Variants in MTUS2 observed in about 807,000 individuals in gnomAD.
MTUS2 encodes the protein microtubule-associated tumor suppressor candidate 2.
In MTUS2, 40 loss-of-function variants were observed where a neutral mutation model predicts 114.1. That is an observed-to-expected ratio of 0.35 (90% CI 0.27 to 0.46). MTUS2 has a LOEUF of 0.46. Among genes scored for constraint, MTUS2 ranks in the 20% least tolerant of loss-of-function variants. The pLI is 1.00. For missense variants in MTUS2, 1,679 were observed against 1,705.4 expected, an observed-to-expected ratio of 0.98 and a Z score of 0.27; for synonymous variants, 688 against 672.0, an observed-to-expected ratio of 1.02 and a Z score of -0.37.
At chr13:29,120,841 C>T (rs372282228) in intron 5 of MTUS2, among the ~76,000 whole-genome samples, 2 of 151,958 alleles carry the variant, frequency 1.3e-5, no homozygotes, top group South Asian at 2.1e-4. Context: ...AACATTCTGA[C>T]AAAAATTAAA....
At chr13:29,128,641 A>G (rs1311587230) in intron 5 of MTUS2, among the ~76,000 whole-genome samples, 2 of 152,210 alleles carry the variant, frequency 1.3e-5, no homozygotes, top group East Asian at 1.9e-4. Context: ...AACAGTGAAT[A>G]TTTATGAATG....
chr13:29,248,837 A>G (rs762437719), intron 5 of MTUS2, among the ~76,000 whole-genome samples: 1 of 152,128 alleles, frequency 6.6e-6, no homozygotes, highest in Non-Finnish European at 1.5e-5. Flanking sequence ...ATAGTATTCC[A>G]TGGTTTATAT....
At chr13:29,185,127 G>C (rs900130457) in intron 5 of MTUS2, among the ~76,000 whole-genome samples, 1 of 152,022 alleles carries the variant, frequency 6.6e-6, no homozygotes, top group Non-Finnish European at 1.5e-5. Flanking sequence ...GAGTTGAAAA[G>C]TACAATGACT....
chr13:29,149,570 C>A (rs1892583919), intron 5 of MTUS2, among the ~76,000 whole-genome samples: 1 of 152,104 alleles, frequency 6.6e-6, no homozygotes, highest in African/African-American at 2.4e-5. Flanking sequence ...TTGCTTTTGG[C>A]ATCTTTGTCA....
At chr13:29,323,020 G>C (rs1365954085) in intron 6 of MTUS2, among the ~76,000 whole-genome samples, 2 of 152,208 alleles carry the variant, frequency 1.3e-5, no homozygotes, top group African/African-American at 4.8e-5. Context: ...TTGGGAATAT[G>C]AATTAGTGGA....
At chr13:29,299,865 GA>G (rs145782693) in intron 6 of MTUS2, among the ~76,000 whole-genome samples, 14,566 of 149,584 alleles carry the variant, frequency 0.097, 882 homozygotes, top group Admixed American at 0.19. Context: ...AAGACAGCAT[GA>G]AAAAAAAAAT....
intron 9 of MTUS2, among the ~76,000 whole-genome samples, chr13:29,454,959 T>A (rs61391059): frequency 1.3e-5 from 2 of 152,088 alleles, no homozygotes; most frequent in Non-Finnish European, 2.9e-5. Flanking sequence ...AGACCAAACA[T>A]GAGGCAACTG....
At chr13:28,912,723 C>G (rs768576443) in intron 2 of MTUS2, among the ~76,000 whole-genome samples, 3 of 151,896 alleles carry the variant, frequency 2.0e-5, no homozygotes, top group Non-Finnish European at 4.4e-5. Context: ...TAAAGAGGTC[C>G]TTTACTTCCC....
chr13:29,388,315 T>A (rs181402966), intron 8 of MTUS2, among the ~76,000 whole-genome samples: 157 of 152,122 alleles, frequency 1.0e-3, no homozygotes, highest in Non-Finnish European at 1.7e-3. Flanking sequence ...GTCTTCGTAC[T>A]TTTTTGTCGT....
chr13:29,048,573 A>G lies in MTUS2; in HGVS notation c.2446+14448A>G, dbSNP rs756237008. 2.7e-4 allele frequency among the ~76,000 whole-genome samples: 41 copies of G among 152,302 alleles called. No individual in the cohort carries two copies. The Middle Eastern group carries it at 0.017, about 63-fold the overall frequency. ...AGCCTCAACTTCCCTGGCTCAAACG[A>G]TCCTCCCACATCAGTCTCCCAAGTA... is the stretch of plus-strand genomic sequence containing the variant. On this transcript the variant is annotated intron_variant, in intron 4 of 15. Coordinates refer to ENST00000612955, the MANE Select transcript of MTUS2 (RefSeq NM_001033602.4).
In MTUS2 at chr13:29,350,960, C is replaced by CATATATATATATATAT. The variant is rs56192034; in HGVS notation, c.2906-8293_2906-8278dup. The stretch of plus-strand genomic sequence containing the variant: ...TAGGAATTAGGGCATATATATATTT[C>CATATATATATATATAT]ATATATATATATATATATATATATC... On this transcript the variant is annotated intron_variant, in intron 7 of 15. Transcript: ENST00000612955. Among the ~76,000 whole-genome samples the CATATATATATATATAT allele has an allele frequency of 1.3e-3, 170 of 128,636 alleles. 8 individuals carry two copies. Among genetic ancestry groups the CATATATATATATATAT allele is most frequent in the Non-Finnish European group, 1.9e-3 (113 of 58,618 alleles). The allele number at this position is 128,636 out of a possible 152,430, so 84.4% of individuals were successfully genotyped here. A position where few individuals can be genotyped will look rare whatever the true frequency, so the allele number is the denominator to read the frequency against.
At chr13:29,212,349 A>T (rs9550450) in intron 5 of MTUS2, among the ~76,000 whole-genome samples, 2 of 150,298 alleles carry the variant, frequency 1.3e-5, no homozygotes, top group Non-Finnish European at 3.0e-5. Context: ...TCTCCTCACA[A>T]CACCTCTGAC....
At chr13:28,909,840 A>G (rs1004514980) in intron 2 of MTUS2, among the ~76,000 whole-genome samples, 8 of 152,238 alleles carry the variant, frequency 5.3e-5, no homozygotes, top group Non-Finnish European at 1.0e-4. Flanking sequence ...GTCTCACGAT[A>G]CAAAATCAGT....
intron 8 of MTUS2, among the ~76,000 whole-genome samples, chr13:29,379,363 C>T (rs1872019937): frequency 6.6e-6 from 1 of 152,136 alleles, no homozygotes. Flanking sequence ...CATCCTCATG[C>T]CTGGAGAAGG....
At chr13:29,367,630 A>C (rs539765036) in intron 8 of MTUS2, among the ~76,000 whole-genome samples, 27 of 152,158 alleles carry the variant, frequency 1.8e-4, no homozygotes, top group Non-Finnish European at 2.6e-4. Context: ...CCCGATGGAA[A>C]GGAGAGGGCA....
intron 5 of MTUS2, among the ~76,000 whole-genome samples, chr13:29,247,334 C>G (rs1380087861): frequency 6.6e-6 from 1 of 152,144 alleles, no homozygotes; most frequent in African/African-American, 2.4e-5. Flanking sequence ...AAAAACCCTT[C>G]TAGAAATTGG....
chr13:29,327,729 C>G (rs1204201679), intron 7 of MTUS2, among the ~76,000 whole-genome samples: 1 of 152,132 alleles, frequency 6.6e-6, no homozygotes, highest in Non-Finnish European at 1.5e-5. Context: ...ACATCTGCTT[C>G]CATTTCTCTT....
intron 6 of MTUS2, among the ~76,000 whole-genome samples, chr13:29,315,987 C>A (rs1428235949): frequency 6.6e-6 from 1 of 152,104 alleles, no homozygotes; most frequent in Admixed American, 6.5e-5. Context: ...TCTTGGGTTG[C>A]AGGTGTCAAA....
chr13:29,370,547 T>G (rs1299113818), intron 8 of MTUS2, among the ~76,000 whole-genome samples: 1 of 152,180 alleles, frequency 6.6e-6, no homozygotes, highest in African/African-American at 2.4e-5. Flanking sequence ...AGTGGACTCT[T>G]GATATATTTG....
Sources: gnomAD v4.1 joint callset for allele counts (sites outside exome capture counted in the v4.1 genomes callset) on GRCh38, gnomAD v4.1.1 for gene constraint, MANE v1.5 for transcripts, NCBI Gene and HGNC (gene_info 2026-07-23, HGNC 2026-07-21) for gene names.